Variants in NLGN1 observed in about 807,000 individuals in gnomAD.
The protein encoded by NLGN1 is neuroligin 1, also known as neuroligin-1.
Under a neutral mutation model 65.5 loss-of-function variants are expected in NLGN1, and 12 were observed. The ratio of observed to expected loss-of-function variants is 0.18; its 90% CI spans 0.12 to 0.30. NLGN1 has a LOEUF of 0.30. Among genes scored for constraint, NLGN1 ranks in the 10% least tolerant of loss-of-function variants. The pLI, the probability that NLGN1 is intolerant of heterozygous loss-of-function variation, is 1.00. For missense variants in NLGN1, 750 were observed against 1,007.1 expected, an observed-to-expected ratio of 0.74 and a Z score of 3.46; for synonymous variants, 350 against 359.5, an observed-to-expected ratio of 0.97 and a Z score of 0.30.
intron 3 of NLGN1, among the ~76,000 whole-genome samples, chr3:173,782,857 G>C (rs1039076925): frequency 6.6e-6 from 1 of 150,882 alleles, no homozygotes; most frequent in Middle Eastern, 3.2e-3. Context: ...CAGTTTCTTT[G>C]AAAGAAATCT....
At chr3:173,448,157 C>T (rs371479436) in intron 2 of NLGN1, among the ~76,000 whole-genome samples, 9 of 152,076 alleles carry the variant, frequency 5.9e-5, no homozygotes, top group African/African-American at 2.2e-4. Context: ...AAAGGGAATG[C>T]TTCCAGTTTT....
chr3:173,654,566 A>G (rs1388507339), intron 3 of NLGN1, among the ~76,000 whole-genome samples: 2 of 152,116 alleles, frequency 1.3e-5, no homozygotes, highest in Non-Finnish European at 2.9e-5. Flanking sequence ...TCTTGGTTCT[A>G]AGTTTCATCC....
At chr3:173,835,982 T>C (rs1232963278) in intron 4 of NLGN1, among the ~76,000 whole-genome samples, 1 of 152,154 alleles carries the variant, frequency 6.6e-6, no homozygotes, top group African/African-American at 2.4e-5. Flanking sequence ...TATTAATAAA[T>C]CCATTTTGTA....
At chr3:174,167,561 TA>T (rs968818795) in intron 4 of NLGN1, among the ~76,000 whole-genome samples, 1 of 151,718 alleles carries the variant, frequency 6.6e-6, no homozygotes, top group African/African-American at 2.4e-5. Context: ...GCTGTTACCC[TA>T]ATGGGGTTCC....
chr3:173,438,989 G>T (rs1215631554), intron 2 of NLGN1, among the ~76,000 whole-genome samples: 1 of 152,140 alleles, frequency 6.6e-6, no homozygotes, highest in Non-Finnish European at 1.5e-5. Flanking sequence ...ATTTATCAGA[G>T]ATACTCACTT....
At position 173,699,713 on chromosome 3, in the gene NLGN1, G is replaced by A. The variant is rs530353221; in HGVS notation, c.493+94622G>A. On this transcript the variant is annotated intron_variant, in intron 3 of 6. Coordinates refer to ENST00000457714, the Ensembl canonical transcript of NLGN1. ...AAATGGGAATTATAAAATCCAGAGA[G>A]TATTTTATGTTTTAAGGTTTAGGGG... is the stretch of plus-strand genomic sequence containing the variant. Among the ~76,000 whole-genome samples, 244 of 152,284 alleles carry A rather than the reference G, an allele frequency of 1.6e-3. 2 individuals carry two copies. The highest frequency in any genetic ancestry group is 2.6e-3 in the Non-Finnish European group (180 of 68,036).
chr3:173,591,407 G>C (rs913812151), intron 2 of NLGN1, among the ~76,000 whole-genome samples: 2 of 152,174 alleles, frequency 1.3e-5, no homozygotes, highest in African/African-American at 2.4e-5. Flanking sequence ...GCCAGGTCAG[G>C]AGTGACAGGA....
upstream of NLGN1, chr3:173,397,738 G>C (rs1359484063): frequency 6.6e-6 from 1 of 152,212 alleles, no homozygotes; most frequent in East Asian, 1.9e-4. Context: ...GGGCGGGCGG[G>C]GGAGCGCCGC....
At chr3:174,282,385 TTC>T (rs1431978389) in exon 7 of NLGN1, 11 of 152,196 alleles carry the variant, frequency 7.2e-5, no homozygotes, top group African/African-American at 2.7e-4. Flanking sequence ...CTGATTATAG[TTC>T]TGAGTTCTTT....
At chr3:174,224,648 G>A (rs1304456354) in intron 4 of NLGN1, among the ~76,000 whole-genome samples, 31 of 152,116 alleles carry the variant, frequency 2.0e-4, no homozygotes, top group African/African-American at 7.2e-4. Context: ...GCAGTGAGCC[G>A]AGATTGTGCC....
chr3:173,546,572 C>T lies in NLGN1; in HGVS notation c.-320-57707C>T, dbSNP rs569107170. On this transcript the variant is annotated intron_variant, in intron 2 of 6. Transcript: ENST00000457714. ...AGGAGTAACAAAAAAGAAAAATGCA[C>T]ATAAATTATATTCCACTAGATCTGA... Among the ~76,000 whole-genome samples, 6 of 152,254 alleles carry T rather than the reference C, an allele frequency of 3.9e-5. No individual in the cohort carries two copies. In the East Asian group the frequency reaches 1.2e-3, roughly 29 times the overall value.
intron 4 of NLGN1, among the ~76,000 whole-genome samples, chr3:174,215,819 C>T (rs1737487218): frequency 1.3e-5 from 2 of 152,144 alleles, no homozygotes. Context: ...AAAACTATTT[C>T]TACACTCGTC....
chr3:173,929,117 A>C (rs886846684), intron 4 of NLGN1, among the ~76,000 whole-genome samples: 2 of 152,212 alleles, frequency 1.3e-5, no homozygotes, highest in African/African-American at 4.8e-5. Flanking sequence ...TCTTATATCA[A>C]CTGGAAAAAT....
chr3:174,171,252 A>G (rs1051869849), intron 4 of NLGN1, among the ~76,000 whole-genome samples: 20 of 152,208 alleles, frequency 1.3e-4, no homozygotes, highest in Non-Finnish European at 2.6e-4. Flanking sequence ...GGTTGTTATT[A>G]GAGAATTGTA....
chr3:173,479,404 A>G (rs907529196), intron 2 of NLGN1, among the ~76,000 whole-genome samples: 1 of 152,210 alleles, frequency 6.6e-6, no homozygotes, highest in African/African-American at 2.4e-5. Context: ...ATAATTGGGT[A>G]GGTCAGGAAT....
chr3:174,231,494 A>G (rs984094435), intron 4 of NLGN1, among the ~76,000 whole-genome samples: 1 of 152,166 alleles, frequency 6.6e-6, no homozygotes, highest in African/African-American at 2.4e-5. Context: ...ACAGGTGCAT[A>G]CTACTAAGCT....
At chr3:173,586,197 A>G (rs1747410745) in intron 2 of NLGN1, among the ~76,000 whole-genome samples, 1 of 152,034 alleles carries the variant, frequency 6.6e-6, no homozygotes, top group Admixed American at 6.5e-5. Flanking sequence ...TTGGAATAAA[A>G]TGGAGATAGA....
exon 3 of NLGN1, chr3:173,604,794 A>C (rs771049032): frequency 6.2e-7 from 1 of 1,613,754 alleles, no homozygotes; most frequent in Admixed American, 1.7e-5. Flanking sequence ...AAGAGGGATT[A>C]AGAAGGAACT....
intron 3 of NLGN1, among the ~76,000 whole-genome samples, chr3:173,631,869 A>G (rs1047801104): frequency 2.0e-5 from 3 of 152,006 alleles, no homozygotes; most frequent in South Asian, 4.1e-4. Flanking sequence ...ATTCAATCAT[A>G]TTTAGAATTT....
Sources: allele counts gnomAD v4.1 joint callset (sites outside exome capture counted in the v4.1 genomes callset), GRCh38; gene constraint gnomAD v4.1.1; transcripts MANE v1.5; gene names NCBI Gene and HGNC (gene_info 2026-07-23, HGNC 2026-07-21).